AGBL1: variants seen among roughly 807,000 people sequenced by gnomAD.
The protein encoded by AGBL1 is cytosolic carboxypeptidase 4.
AGBL1 carries 130 observed loss-of-function variants against 118.9 expected under a neutral mutation model. The observed-to-expected ratio is 1.09, with a 90% confidence interval of 0.95 to 1.26. The LOEUF is 1.26. Ranked by LOEUF, AGBL1 falls within the 50% of genes most tolerant of loss-of-function variation. The probability of loss-of-function intolerance (pLI) is 0.00; values close to 1 mark genes in which losing one functional copy is unlikely to be tolerated. For missense variants in AGBL1, 1,584 were observed against 1,298.1 expected (o/e 1.22, Z -3.38); for synonymous variants, 555 against 478.9 (o/e 1.16, Z -2.08).
At chr15:86,853,242 A>G (rs906223917) in intron 22 of AGBL1, among the ~76,000 whole-genome samples, 1 of 152,192 alleles carries the variant, frequency 6.6e-6, no homozygotes, top group Admixed American at 6.5e-5. Context: ...AATGCCAATT[A>G]AAAGCACTGA....
Position 86,160,099 on chromosome 15 carries a change from G to GTT in AGBL1, c.488+1093_488+1094dup, listed in dbSNP as rs1162570173. Among the ~76,000 whole-genome samples the GTT allele has an allele frequency of 3.0e-3, 331 of 110,236 alleles. 3 individuals are homozygous for GTT. The highest frequency in any genetic ancestry group is 6.8e-3 in the African/African-American group (189 of 27,752). 72.3% of individuals were successfully genotyped at this position (110,236 alleles called of 152,430 possible). A position where few individuals can be genotyped will look rare whatever the true frequency, so the allele number is the denominator to read the frequency against. On this transcript the variant is annotated intron_variant, in intron 5 of 22. Transcript: ENST00000614907. Reference sequence around the variant, plus strand: ...AAATTGATTTAGTCAGGGAACTGTGGTTTTTTTTTTTTTTTTTTTTTGAGA... The same window carrying GTT: ...AAATTGATTTAGTCAGGGAACTGTGGTTTTTTTTTTTTTTTTTTTTTTTGAGA...
chr15:86,090,015 T>A (rs1895917363), intron 1 of AGBL1, among the ~76,000 whole-genome samples: 1 of 152,208 alleles, frequency 6.6e-6, no homozygotes, highest in Non-Finnish European at 1.5e-5. Flanking sequence ...CTCACATTTG[T>A]CGAGTACTTA....
intron 22 of AGBL1, among the ~76,000 whole-genome samples, chr15:86,744,696 CTT>C (rs763076544): frequency 2.0e-5 from 3 of 152,160 alleles, no homozygotes; most frequent in Admixed American, 6.6e-5. Context: ...CACCCTCCCT[CTT>C]TGCACTGAGT....
intron 22 of AGBL1, among the ~76,000 whole-genome samples, chr15:86,835,762 G>T (rs1205480408): frequency 6.6e-6 from 1 of 152,152 alleles, no homozygotes; most frequent in East Asian, 1.9e-4. Context: ...TAGGAGACCT[G>T]GGCAGGGAAC....
At chr15:86,956,157 G>T (rs555290858) in intron 23 of AGBL1, among the ~76,000 whole-genome samples, 1 of 151,824 alleles carries the variant, frequency 6.6e-6, no homozygotes, top group East Asian at 1.9e-4. Flanking sequence ...TCTGTATTAG[G>T]GTTCTCTAGA....
In AGBL1 at chr15:86,266,415, G is replaced by A. The variant is rs777833635; in HGVS notation, c.1709G>A (p.Ser570Asn). ...FEDIRRLIQP[S>N]DVINKVVFSL... ...GATATTCGGAGGCTCATCCAGCCAAGTGATGTTATAAATAAAGTTGTCTTC... is the reference window on the plus strand; with the variant it reads ...GATATTCGGAGGCTCATCCAGCCAAATGATGTTATAAATAAAGTTGTCTTC... The change falls in exon 12 of 23, where the codon AGT becomes AAT. Residue 570 changes from serine (S) to asparagine (N), a missense_variant. By Grantham distance (46) the Ser-to-Asn change is conservative (BLOSUM62 1). Coordinates refer to ENST00000614907, the MANE Select transcript of AGBL1 (RefSeq NM_001386094.1). The A allele has an allele frequency of 1.9e-5, 30 of 1,579,970 alleles. No homozygotes were observed. Among genetic ancestry groups the A allele is most frequent in the Admixed American group, 3.6e-5 (2 of 54,808 alleles).
chr15:86,122,429 T>C (rs986324729), intron 1 of AGBL1, among the ~76,000 whole-genome samples: 2 of 152,160 alleles, frequency 1.3e-5, no homozygotes, highest in Non-Finnish European at 2.9e-5. Context: ...GGGCTAGACA[T>C]AGTGACTGGC....
intron 1 of AGBL1, among the ~76,000 whole-genome samples, chr15:86,106,683 A>T (rs924562286): frequency 3.3e-5 from 5 of 152,256 alleles, no homozygotes; most frequent in African/African-American, 1.2e-4. Flanking sequence ...ACTCGATTCA[A>T]TCAGTCATTT....
chr15:86,298,246 AATATATATATATAT>A lies in AGBL1; in HGVS notation c.2374+2859_2374+2872del, dbSNP rs59968237. The stretch of plus-strand genomic sequence containing the variant: ...GTATACAGGGTACGTGTCTGTGTAT[AATATATATATATAT>A]ATATATATATATATATATATGGTAA... On this transcript the variant is annotated intron_variant, in intron 17 of 22. Transcript: ENST00000614907. Among the ~76,000 whole-genome samples, 209 of 69,810 alleles carry A rather than the reference AATATATATATATAT, an allele frequency of 3.0e-3. 13 individuals carry two copies. Among genetic ancestry groups the A allele is most frequent in the African/African-American group, 0.013 (202 of 15,358 alleles). The allele number at this position is 69,810 out of a possible 152,430, so 45.8% of individuals were successfully genotyped here.
chr15:86,749,038 T>A (rs981611501), intron 22 of AGBL1, among the ~76,000 whole-genome samples: 2 of 152,208 alleles, frequency 1.3e-5, no homozygotes, highest in African/African-American at 2.4e-5. Flanking sequence ...TTTTTCCAAT[T>A]CTGTGAAGAA....
At chr15:86,085,483 A>G (rs930419734) in intron 1 of AGBL1, among the ~76,000 whole-genome samples, 2 of 152,196 alleles carry the variant, frequency 1.3e-5, no homozygotes, top group Admixed American at 6.5e-5. Flanking sequence ...GTGGAGTTGC[A>G]AGACAGTCAA....
At chr15:86,410,834 AT>A (rs1567242816) in intron 18 of AGBL1, among the ~76,000 whole-genome samples, 2,326 of 106,114 alleles carry the variant, frequency 0.022, 143 homozygotes, top group Middle Eastern at 0.053. Flanking sequence ...ATATATATAT[AT>A]ATATATAATA....
At chr15:87,010,160 G>A (rs2141779123) in intron 24 of AGBL1, among the ~76,000 whole-genome samples, 1 of 152,246 alleles carries the variant, frequency 6.6e-6, no homozygotes, top group South Asian at 2.1e-4. Context: ...GTTGTGAGAG[G>A]AACCCAGTGG....
intron 21 of AGBL1, among the ~76,000 whole-genome samples, chr15:86,616,166 G>T: frequency 6.6e-6 from 1 of 151,736 alleles, no homozygotes; most frequent in Non-Finnish European, 1.5e-5. Flanking sequence ...GTGAAATTCC[G>T]TCTCTACTAA....
intron 22 of AGBL1, among the ~76,000 whole-genome samples, chr15:86,720,423 C>T (rs2086700258): frequency 1.3e-5 from 2 of 152,162 alleles, no homozygotes; most frequent in Non-Finnish European, 2.9e-5. Context: ...TTAATGCTAC[C>T]ACTGTAGATT....
At chr15:86,348,984 G>C (rs1201910710) in intron 17 of AGBL1, among the ~76,000 whole-genome samples, 1 of 152,094 alleles carries the variant, frequency 6.6e-6, no homozygotes, top group Non-Finnish European at 1.5e-5. Flanking sequence ...TCCAAAGACT[G>C]TTGTCCTTTT....
intron 18 of AGBL1, among the ~76,000 whole-genome samples, chr15:86,437,432 T>G (rs982603562): frequency 6.6e-6 from 1 of 152,230 alleles, no homozygotes; most frequent in African/African-American, 2.4e-5. Context: ...AGACATTTAT[T>G]GAGCACCATC....
At chr15:86,180,507 C>G (rs774163486) in intron 5 of AGBL1, among the ~76,000 whole-genome samples, 1 of 152,070 alleles carries the variant, frequency 6.6e-6, no homozygotes, top group Non-Finnish European at 1.5e-5. Flanking sequence ...TACTTTACAA[C>G]ATAAACAAAG....
At chr15:86,257,634 T>C (rs1322698701) in intron 8 of AGBL1, among the ~76,000 whole-genome samples, 2 of 152,234 alleles carry the variant, frequency 1.3e-5, no homozygotes, top group Non-Finnish European at 2.9e-5. Context: ...GTGTGTGATC[T>C]CTAAACTTTG....
Sources: allele counts gnomAD v4.1 joint callset (sites outside exome capture counted in the v4.1 genomes callset), GRCh38; gene constraint gnomAD v4.1.1; transcripts MANE v1.5; gene names NCBI Gene and HGNC (gene_info 2026-07-23, HGNC 2026-07-21).